Variants in PRH1 observed in about 807,000 individuals in gnomAD.
PRH1 encodes the protein proline rich protein HaeIII subfamily 1.
Under a neutral mutation model 7.9 loss-of-function variants are expected in PRH1, and 7 were observed. The observed-to-expected ratio is 0.89, with a 90% confidence interval of 0.50 to 1.67. The LOEUF (loss-of-function observed/expected upper bound fraction) is 1.67. Ranked by LOEUF, PRH1 falls within the 40% of genes most tolerant of loss-of-function variation. The probability of loss-of-function intolerance (pLI) is 0.00; values close to 1 mark genes in which losing one functional copy is unlikely to be tolerated. For missense variants in PRH1, 109 were observed against 223.6 expected, an observed-to-expected ratio of 0.49 and a Z score of 3.27; for synonymous variants, 45 against 80.8, an observed-to-expected ratio of 0.56 and a Z score of 2.38.
chr12:11,033,554 G>C (rs188458123), intron 1 of PRH1, among the ~76,000 whole-genome samples: 1 of 152,056 alleles, frequency 6.6e-6, no homozygotes, highest in Non-Finnish European at 1.5e-5. Context: ...TTCAGGAGCC[G>C]AAAGAAAAAA....
chr12:10,917,681 A>G (rs1949992152), intron 2 of PRH1, among the ~76,000 whole-genome samples: 1 of 152,208 alleles, frequency 6.6e-6, no homozygotes, highest in Non-Finnish European at 1.5e-5. Context: ...TGTACACATT[A>G]CAGTCCCCAA....
At chr12:11,140,730 G>GC (rs1946679329) in intron 1 of PRH1, among the ~76,000 whole-genome samples, 1 of 152,086 alleles carries the variant, frequency 6.6e-6, no homozygotes, top group Admixed American at 6.5e-5. Flanking sequence ...TAATTGTTCT[G>GC]CAATTTTTTC....
At chr12:10,977,132 A>G (rs1939142230) in intron 1 of PRH1, among the ~76,000 whole-genome samples, 1 of 152,202 alleles carries the variant, frequency 6.6e-6, no homozygotes. Flanking sequence ...ACTTCAGACC[A>G]ATATCCTTAA....
intron 2 of PRH1, among the ~76,000 whole-genome samples, chr12:10,922,002 C>T (rs1189548672): frequency 6.6e-6 from 1 of 152,126 alleles, no homozygotes; most frequent in Admixed American, 6.6e-5. Flanking sequence ...AACTCCTGAA[C>T]TCAAGCATCC....
intron 1 of PRH1, chr12:11,031,513 G>GTATTTTTT: frequency 1.5e-6 from 1 of 685,788 alleles, no homozygotes; most frequent in Non-Finnish European, 2.2e-6. Context: ...GGTTTATTGA[G>GTATTTTTT]AAGAGAGAAA....
chr12:11,098,848 A>G (rs1945142538), intron 1 of PRH1, among the ~76,000 whole-genome samples: 1 of 152,190 alleles, frequency 6.6e-6, no homozygotes, highest in African/African-American at 2.4e-5. Context: ...TGTGCACACC[A>G]CTTATGAATG....
At chr12:11,101,586 C>G (rs1945249402) in intron 1 of PRH1, among the ~76,000 whole-genome samples, 1 of 152,164 alleles carries the variant, frequency 6.6e-6, no homozygotes, top group South Asian at 2.1e-4. Context: ...ACAATGATAT[C>G]TATAAGAATA....
chr12:10,965,201 A>C, intron 2 of PRH1: 1 of 1,483,948 alleles, frequency 6.7e-7, no homozygotes, highest in Non-Finnish European at 9.1e-7. Flanking sequence ...GGAGACTGCC[A>C]GAGCAGTGAG....
intron 1 of PRH1, chr12:11,077,443 A>G: frequency 1.4e-6 from 1 of 732,778 alleles, no homozygotes; most frequent in Non-Finnish European, 2.1e-6. Flanking sequence ...CATGATTCCA[A>G]GAGTTTGGCA....
intron 1 of PRH1, among the ~76,000 whole-genome samples, chr12:10,999,531 A>G (rs1299073845): frequency 1.3e-5 from 2 of 152,170 alleles, no homozygotes; most frequent in African/African-American, 4.8e-5. Flanking sequence ...TAAAATTATA[A>G]TGCACACTTA....
intron 1 of PRH1, among the ~76,000 whole-genome samples, chr12:11,066,065 TAACA>T (rs1943796025): frequency 6.6e-6 from 1 of 152,208 alleles, no homozygotes; most frequent in Non-Finnish European, 1.5e-5. Flanking sequence ...TCTTCATTTA[TAACA>T]ATCTTTAAAA....
At chr12:11,066,700 G>T (rs1290640231) in intron 1 of PRH1, among the ~76,000 whole-genome samples, 1 of 151,320 alleles carries the variant, frequency 6.6e-6, no homozygotes, top group African/African-American at 2.4e-5. Context: ...TTTGATAAAT[G>T]TGATTTCCAT....
intron 1 of PRH1, among the ~76,000 whole-genome samples, chr12:10,977,287 T>A (rs778689347): frequency 6.6e-6 from 1 of 152,150 alleles, no homozygotes; most frequent in Admixed American, 6.5e-5. Flanking sequence ...GTGTGCTTCA[T>A]CACATAAGCA....
chr12:10,953,498 C>T (rs1420482231), intron 2 of PRH1, among the ~76,000 whole-genome samples: 1 of 152,108 alleles, frequency 6.6e-6, no homozygotes, highest in Non-Finnish European at 1.5e-5. Context: ...ATCAACAAAG[C>T]TGGGGAAAGA....
chr12:11,029,349 C>G (rs3983340), intron 1 of PRH1, among the ~76,000 whole-genome samples: 1 of 128,392 alleles, frequency 7.8e-6, no homozygotes, highest in Admixed American at 8.0e-5. Context: ...AATTAATACA[C>G]AGATTTCATA....
chr12:11,127,584 C>T (rs1946177835), intron 1 of PRH1, among the ~76,000 whole-genome samples: 1 of 152,154 alleles, frequency 6.6e-6, no homozygotes, highest in South Asian at 2.1e-4. Flanking sequence ...TTTTGTACAA[C>T]TTATTGTTAA....
intron 1 of PRH1, among the ~76,000 whole-genome samples, chr12:11,058,655 G>C (rs536172685): frequency 6.6e-6 from 1 of 152,274 alleles, no homozygotes; most frequent in East Asian, 1.9e-4. Context: ...TGGCCACTGA[G>C]CCAAATGATC....
At chr12:10,914,553 A>G (rs912226473) in intron 2 of PRH1, among the ~76,000 whole-genome samples, 1 of 152,172 alleles carries the variant, frequency 6.6e-6, no homozygotes, top group Non-Finnish European at 1.5e-5. Flanking sequence ...GTAGGGTTGC[A>G]GTGGCCTTTG....
upstream of PRH1, among the ~76,000 whole-genome samples, chr12:11,048,161 T>TGTATAGATAG (rs1555147093): frequency 7.2e-6 from 1 of 139,092 alleles, no homozygotes; most frequent in African/African-American, 2.6e-5. Flanking sequence ...TGTGTGTGTG[T>TGTATAGATAG]ATAGATAGAT....
Sources: allele counts gnomAD v4.1 joint callset (sites outside exome capture counted in the v4.1 genomes callset), GRCh38; gene constraint gnomAD v4.1.1; transcripts MANE v1.5; gene names NCBI Gene and HGNC (gene_info 2026-07-23, HGNC 2026-07-21).